Variants in BACH2 observed in about 807,000 individuals in gnomAD.
BACH2 encodes transcription regulator protein BACH2.
A neutral mutation model predicts 61.8 loss-of-function variants in BACH2; 5 were observed. That is an observed-to-expected ratio of 0.08 (90% confidence interval 0.04 to 0.17). BACH2 has a LOEUF of 0.17. BACH2 is among the 10% of genes least tolerant of loss of function. The pLI is 1.00. For synonymous variants in BACH2, 446 were observed against 440.1 expected, an observed-to-expected ratio of 1.01 and a Z score of -0.17; for missense variants, 824 against 1,091.1, an observed-to-expected ratio of 0.76 and a Z score of 3.45.
At chr6:90,050,334 A>G (rs1378684471) in intron 5 of BACH2, among the ~76,000 whole-genome samples, 1 of 152,218 alleles carries the variant, frequency 6.6e-6, no homozygotes, top group Non-Finnish European at 1.5e-5. Flanking sequence ...TAGATTCCAT[A>G]TTGCAACTAA....
At chr6:90,222,946 C>T (rs1305952965) in intron 3 of BACH2, among the ~76,000 whole-genome samples, 1 of 152,198 alleles carries the variant, frequency 6.6e-6, no homozygotes, top group East Asian at 1.9e-4. Context: ...CTCTGGCGCG[C>T]ACCCCTGCTC....
chr6:90,107,732 T>TA (rs1237328737), intron 4 of BACH2, among the ~76,000 whole-genome samples: 54 of 151,572 alleles, frequency 3.6e-4, no homozygotes, highest in African/African-American at 1.3e-3. Context: ...TTCCTATTAC[T>TA]AAATGTCAAC....
chr6:90,027,168 C>T (rs921537810), intron 5 of BACH2, among the ~76,000 whole-genome samples: 3 of 152,142 alleles, frequency 2.0e-5, no homozygotes, highest in African/African-American at 7.2e-5. Flanking sequence ...TGTCACCAAG[C>T]AGGAGGTCAA....
chr6:89,959,344 A>C (rs1774612773), intron 6 of BACH2, among the ~76,000 whole-genome samples: 1 of 152,080 alleles, frequency 6.6e-6, no homozygotes, highest in Non-Finnish European at 1.5e-5. Context: ...CCTGACTCGA[A>C]TCCCCATGAT....
chr6:90,054,756 G>A (rs891168699), intron 5 of BACH2, among the ~76,000 whole-genome samples: 2 of 152,120 alleles, frequency 1.3e-5, no homozygotes, highest in Non-Finnish European at 2.9e-5. Flanking sequence ...ACACAGCCGG[G>A]TACTCCTCTG....
At chr6:90,295,926 C>T (rs1772349848) in intron 1 of BACH2, among the ~76,000 whole-genome samples, 2 of 152,284 alleles carry the variant, frequency 1.3e-5, no homozygotes, top group Admixed American at 6.5e-5. Context: ...CGGCTGACAG[C>T]TGAGCGCAAA....
chr6:90,072,422 A>T (rs532496978), intron 5 of BACH2, among the ~76,000 whole-genome samples: 16 of 152,322 alleles, frequency 1.1e-4, no homozygotes, highest in African/African-American at 3.4e-4. Context: ...CAATGCCTCC[A>T]GCCAGCAGTG....
intron 2 of BACH2, among the ~76,000 whole-genome samples, chr6:90,269,527 CT>C (rs973598503): frequency 2.6e-5 from 4 of 152,168 alleles, no homozygotes; most frequent in African/African-American, 9.7e-5. Flanking sequence ...GAATGAAATG[CT>C]TTACAACTCA....
intron 5 of BACH2, among the ~76,000 whole-genome samples, chr6:90,024,207 T>C (rs1032672171): frequency 1.6e-4 from 24 of 152,298 alleles, no homozygotes; most frequent in African/African-American, 5.1e-4. Context: ...AACTCAAGTA[T>C]TGAGCACCTC....
chr6:90,061,077 A>G (rs75090429), intron 5 of BACH2, among the ~76,000 whole-genome samples: 1,919 of 152,264 alleles, frequency 0.013, 40 homozygotes, highest in African/African-American at 0.044. Context: ...AAGTTTTTAG[A>G]AAGTAGGAGA....
chr6:89,998,500 T>A (rs1214376770), intron 6 of BACH2, among the ~76,000 whole-genome samples: 1 of 152,092 alleles, frequency 6.6e-6, no homozygotes, highest in Non-Finnish European at 1.5e-5. Context: ...ACTTCCGAGA[T>A]CCTAGGAAAC....
chr6:89,986,782 A>G (rs770833704), intron 6 of BACH2, among the ~76,000 whole-genome samples: 1 of 152,230 alleles, frequency 6.6e-6, no homozygotes, highest in Non-Finnish European at 1.5e-5. Flanking sequence ...TTCAAGCTTC[A>G]TTAGGAACAA....
intron 1 of BACH2, among the ~76,000 whole-genome samples, chr6:90,285,605 A>C (rs1771996159): frequency 1.3e-5 from 2 of 152,220 alleles, no homozygotes; most frequent in South Asian, 2.1e-4. Flanking sequence ...CAGTCCCTAC[A>C]AAGGTAGAAA....
intron 4 of BACH2, among the ~76,000 whole-genome samples, chr6:90,161,649 C>G (rs563046763): frequency 6.6e-6 from 1 of 152,260 alleles, no homozygotes; most frequent in East Asian, 1.9e-4. Context: ...CAAGTTAAAT[C>G]TAGGTAATAC....
At chr6:90,186,733 T>G (rs962496156) in intron 4 of BACH2, among the ~76,000 whole-genome samples, 8 of 152,092 alleles carry the variant, frequency 5.3e-5, no homozygotes, top group Admixed American at 2.0e-4. Flanking sequence ...AGGTGCTGAG[T>G]GTTAAGTGCT....
At chr6:90,123,725 C>G (rs1025950734) in intron 4 of BACH2, among the ~76,000 whole-genome samples, 1 of 143,248 alleles carries the variant, frequency 7.0e-6, no homozygotes, top group Non-Finnish European at 1.5e-5. Flanking sequence ...AGCCGAGATC[C>G]CGCCACTGCA....
rs181507952 is a variant in BACH2 at position 90,004,355 on chromosome 6, T to C, written c.243+4247A>G. ...CAAGCGAGCACAAACCTGAAATCTA[T>C]TTATACCGAGGAAAACATAAGGTCT... On this transcript the variant is annotated intron_variant, in intron 6 of 8. Transcript: ENST00000257749. Among the ~76,000 whole-genome samples, 5 of 152,218 alleles carry C rather than the reference T, an allele frequency of 3.3e-5. No homozygotes were observed. In the East Asian group the frequency reaches 9.7e-4, roughly 29 times the overall value.
At chr6:90,265,636 C>T (rs185809833) in intron 2 of BACH2, among the ~76,000 whole-genome samples, 80 of 152,258 alleles carry the variant, frequency 5.3e-4, no homozygotes, top group Non-Finnish European at 5.6e-4. Context: ...ACACTTTAGA[C>T]GGCTTGTAAT....
At chr6:90,169,471 T>C (rs1268560634) in intron 4 of BACH2, among the ~76,000 whole-genome samples, 1 of 152,154 alleles carries the variant, frequency 6.6e-6, no homozygotes, top group Non-Finnish European at 1.5e-5. Context: ...GTCACTGGTG[T>C]CAGGACACTA....
Sources: gnomAD v4.1 joint callset for allele counts (sites outside exome capture counted in the v4.1 genomes callset) on GRCh38, gnomAD v4.1.1 for gene constraint, MANE v1.5 for transcripts, NCBI Gene and HGNC (gene_info 2026-07-23, HGNC 2026-07-21) for gene names.